The following SMOX variants were observed in gnomAD, a reference collection of about 807,000 sequenced individuals.
The protein encoded by SMOX is flavin containing amine oxidase.
SMOX carries 22 observed loss-of-function variants against 51.0 expected under a neutral mutation model. The ratio of observed to expected loss-of-function variants is 0.43; its 90% CI spans 0.31 to 0.62. The LOEUF is 0.62. Ranked by LOEUF, SMOX falls within the 20% of genes least tolerant of loss-of-function variation. SMOX has a pLI of 0.10. For missense variants in SMOX, 566 were observed against 777.7 expected, an observed-to-expected ratio of 0.73 and a Z score of 3.24; for synonymous variants, 282 against 307.8, an observed-to-expected ratio of 0.92 and a Z score of 0.88.
intron 6 of SMOX, among the ~76,000 whole-genome samples, chr20:4,185,908 AAAC>A (rs1979690558): frequency 6.9e-6 from 1 of 145,120 alleles, no homozygotes; most frequent in African/African-American, 2.6e-5. Context: ...AAAAACCAAA[AAAC>A]AACAACCCCT....
rs1979812868 is a variant in SMOX, at chr20:4,187,323, C to T, written c.1584C>T (p.Thr528=). The T allele has an allele frequency of 6.2e-7, 1 of 1,614,104 alleles. No individual in the cohort carries two copies. Residue 528 remains threonine (T), a synonymous_variant, in exon 7 of 7, where the codon ACC becomes ACT. Coordinates refer to ENST00000305958, the MANE Select transcript of SMOX (RefSeq NM_175839.3). The surrounding 1 kb of genome is among the most constrained non-coding windows in gnomAD (Gnocchi z 4.8). ...GEATHRKYYS[T]THGALLSGQR... is the part of the protein sequence containing the mutation. Reference sequence around the variant, plus strand: ...CCACCCACCGCAAGTACTATTCCACCACCCACGGTGCTCTGCTGTCCGGCC... The same window carrying T: ...CCACCCACCGCAAGTACTATTCCACTACCCACGGTGCTCTGCTGTCCGGCC...
At chr20:4,163,692 A>T (rs1006703414) in intron 1 of SMOX, among the ~76,000 whole-genome samples, 2 of 152,144 alleles carry the variant, frequency 1.3e-5, no homozygotes, top group Admixed American at 1.3e-4. Context: ...AGGGAGCAGG[A>T]GGATTTGCTT....
rs780012593 is a variant in SMOX, at chr20:4,167,768, G to A, written c.-26-7262G>A. Among the ~76,000 whole-genome samples the A allele has an allele frequency of 4.6e-5, 7 of 152,052 alleles. No individual in the cohort carries two copies. The highest frequency in any genetic ancestry group is 8.8e-5 in the Non-Finnish European group (6 of 68,018). ...ACACCTGTACCCCGATTCTCCCACC[G>A]TGGCAGCCCAGCCTGGCCCAGCAGT... On this transcript the variant is annotated intron_variant, in intron 1 of 6. Transcript: ENST00000305958. The surrounding 1 kb of genome is among the most constrained non-coding windows in gnomAD (Gnocchi z 4.8).
At chr20:4,157,877 G>C (rs549249749) in intron 1 of SMOX, among the ~76,000 whole-genome samples, 2 of 152,064 alleles carry the variant, frequency 1.3e-5, no homozygotes, top group African/African-American at 2.4e-5. Flanking sequence ...CAGCTCAGGT[G>C]GGGGAGATGG....
chr20:4,174,985 A>G, intron 1 of SMOX, 45 bp from the exon 2 acceptor site: 1 of 1,578,360 alleles, frequency 6.3e-7, no homozygotes, highest in Non-Finnish European at 8.7e-7. Flanking sequence ...GCAGGTGGGA[A>G]GTGAAGGCAG....
chr20:4,174,132 G>A (rs1200232068), intron 1 of SMOX, among the ~76,000 whole-genome samples: 4 of 152,226 alleles, frequency 2.6e-5, no homozygotes, highest in Non-Finnish European at 5.9e-5. Flanking sequence ...AGGCCTCGTG[G>A]CACTTTCTTG....
chr20:4,172,814 G>C lies in SMOX; in HGVS notation c.-26-2216G>C, dbSNP rs1342720428. Among the ~76,000 whole-genome samples the C allele has an allele frequency of 6.6e-6, 1 of 150,444 alleles. No homozygotes were observed. The highest frequency in any genetic ancestry group is 2.2e-4 in the South Asian group (1 of 4,646). ...GCTGGAGGGTGGGTGGGTGGGAGGG[G>C]GGGTGGTGGAGGGAGGATTCCCGTC... On this transcript the variant is annotated intron_variant, in intron 1 of 6. Coordinates refer to ENST00000305958, the MANE Select transcript of SMOX (RefSeq NM_175839.3). The surrounding 1 kb of genome is among the most constrained non-coding windows in gnomAD (Gnocchi z 7.7).
chr20:4,175,332 C>T, intron 2 of SMOX, 69 bp downstream of exon 2: 2 of 1,496,838 alleles, frequency 1.3e-6, no homozygotes, highest in South Asian at 1.2e-5. Flanking sequence ...CCCGGCTCTG[C>T]CTGAAATCTC....
chr20:4,150,795 A>G (rs949121276), intron 1 of SMOX, among the ~76,000 whole-genome samples: 10 of 146,474 alleles, frequency 6.8e-5, no homozygotes, highest in African/African-American at 2.3e-4. Flanking sequence ...AGGCCTTCCC[A>G]TCTCAGTGAA....
rs28927676 is a variant in SMOX, at chr20:4,182,595, C to T, written c.1116C>T (p.Phe372=). 0.099 allele frequency: 159,498 copies of T among 1,613,964 alleles called. 8,604 individuals carry two copies. The highest frequency in any genetic ancestry group is 0.11 in the Non-Finnish European group (130,680 of 1,179,958). ...CCACCGACAAGATCTTTCTGGAATTCGAGGAGCCCTTCTGGGGCCCTGAGT... is the reference window on the plus strand; with the variant it reads ...CCACCGACAAGATCTTTCTGGAATTTGAGGAGCCCTTCTGGGGCCCTGAGT... ...IGTTDKIFLE[F]EEPFWGPECN... is the part of the protein sequence containing the mutation. The change falls in exon 5 of 7, where the codon TTC becomes TTT. Residue 372 remains phenylalanine, a synonymous_variant. Coordinates refer to ENST00000305958, the MANE Select transcript of SMOX (RefSeq NM_175839.3). The surrounding 1 kb of genome is among the most constrained non-coding windows in gnomAD (Gnocchi z 8.4).
In SMOX at chr20:4,182,214, G is replaced by C; in HGVS notation, c.735G>C (p.Leu245=). 3 of 1,613,620 alleles carry C rather than the reference G, an allele frequency of 1.9e-6. No homozygotes were observed. Among genetic ancestry groups the C allele is most frequent in the Non-Finnish European group, 2.5e-6 (3 of 1,180,018 alleles). Residue 245 remains leucine, a synonymous_variant, in exon 5 of 7, where the codon CTG becomes CTC. Transcript: ENST00000305958. This position sits in a 1 kb window ranked among gnomAD's most constrained non-coding sequence, Gnocchi z 8.4. ...IPSGFMRVVE[L]LAEGIPAHVI... is the part of the protein sequence containing the mutation. Reference sequence around the variant, plus strand: ...CGGGCTTCATGCGGGTTGTGGAGCTGCTGGCGGAGGGCATCCCTGCCCACG... The same window carrying C: ...CGGGCTTCATGCGGGTTGTGGAGCTCCTGGCGGAGGGCATCCCTGCCCACG...
At position 4,182,544 on chromosome 20, in the gene SMOX, T is replaced by C. The variant is rs199643485; in HGVS notation, c.1065T>C (p.Ala355=). Residue 355 remains alanine, a synonymous_variant, in exon 5 of 7, where the codon GCT becomes GCC. Coordinates refer to ENST00000305958, the MANE Select transcript of SMOX (RefSeq NM_175839.3). The surrounding 1 kb of genome is among the most constrained non-coding windows in gnomAD (Gnocchi z 8.4). ...FRPGLPTEKV[A]AIHRLGIGTT... is the part of the protein sequence containing the mutation. ...CAGGCCTGCCCACAGAGAAGGTGGC[T>C]GCCATCCACCGCCTGGGCATTGGCA... 1 of 1,613,746 alleles carries C rather than the reference T, an allele frequency of 6.2e-7. No homozygotes were observed. The highest frequency in any genetic ancestry group is 8.5e-7 in the Non-Finnish European group (1 of 1,179,806).
rs1440462055 is a variant in SMOX, at chr20:4,166,153, T to C, written c.-26-8877T>C. Among the ~76,000 whole-genome samples the C allele has an allele frequency of 6.6e-6, 1 of 152,194 alleles. No homozygotes were observed. Among genetic ancestry groups the C allele is most frequent in the Non-Finnish European group, 1.5e-5 (1 of 68,030 alleles). ...GATCTATTGTCAGAGTGTGATCTAT[T>C]GTCAGAGTGTGATCGAGTTGCTAAT... On this transcript the variant is annotated intron_variant, in intron 1 of 6. Coordinates refer to ENST00000305958, the MANE Select transcript of SMOX (RefSeq NM_175839.3). The surrounding 1 kb of genome is among the most constrained non-coding windows in gnomAD (Gnocchi z 4.2).
In SMOX at chr20:4,183,411, G is replaced by A. The variant is rs1478313654; in HGVS notation, c.1370-83G>A. The stretch of plus-strand genomic sequence containing the variant: ...CCTCCCGGAGCCCTGGAGGTGGGGT[G>A]GGGGGTTGTCCCTTTGGGGTCATCT... On this transcript the variant is annotated intron_variant, in intron 5 of 6. Coordinates refer to ENST00000305958, the MANE Select transcript of SMOX (RefSeq NM_175839.3). This position sits in a 1 kb window ranked among gnomAD's most constrained non-coding sequence, Gnocchi z 4.3. 8 of 1,596,882 alleles carry A rather than the reference G, an allele frequency of 5.0e-6. No individual in the cohort carries two copies. Among genetic ancestry groups the A allele is most frequent in the Admixed American group, 5.0e-5 (3 of 59,936 alleles).
At chr20:4,176,206 A>C (rs1617831) in intron 2 of SMOX, 57,599 of 151,828 alleles carry the variant, frequency 0.38, 11,359 homozygotes, top group East Asian at 0.43. Context: ...TTTTTAGTAG[A>C]GACAAACGTT....
At chr20:4,185,493 T>C (rs967586937) in intron 6 of SMOX, among the ~76,000 whole-genome samples, 11 of 132,442 alleles carry the variant, frequency 8.3e-5, no homozygotes, top group Admixed American at 5.2e-4. Flanking sequence ...CCTGTAGTTC[T>C]AGCTACTTGG....
intron 1 of SMOX, among the ~76,000 whole-genome samples, chr20:4,159,474 T>C (rs560100127): frequency 1.3e-5 from 2 of 152,328 alleles, no homozygotes; most frequent in African/African-American, 4.8e-5. Flanking sequence ...AAGTAAAATT[T>C]AGAGGCAGGC....
chr20:4,172,273 C>T lies in SMOX; in HGVS notation c.-26-2757C>T, dbSNP rs1350382896. Among the ~76,000 whole-genome samples, 1 of 152,180 alleles carries T rather than the reference C, an allele frequency of 6.6e-6. No individual in the cohort carries two copies. Among genetic ancestry groups the T allele is most frequent in the Non-Finnish European group, 1.5e-5 (1 of 68,012 alleles). On this transcript the variant is annotated intron_variant, in intron 1 of 6. Coordinates refer to ENST00000305958, the MANE Select transcript of SMOX (RefSeq NM_175839.3). This position sits in a 1 kb window ranked among gnomAD's most constrained non-coding sequence, Gnocchi z 7.7. ...TCCAGGGTGCCCAGGGTGGCGGCGT[C>T]CCCGTCGCAGCTGGCGCGGCCCCTC... is the stretch of plus-strand genomic sequence containing the variant.
Position 4,153,846 on chromosome 20 carries a change from C to T in SMOX, c.-27+4869C>T, listed in dbSNP as rs374807026. ...GTGAAGGCTGTGGCCAAGCCTGAGG[C>T]GGGCAGGCTAGAGCTGAGGTGGACT... On this transcript the variant is annotated intron_variant, in intron 1 of 6. Transcript: ENST00000305958. The surrounding 1 kb of genome is among the most constrained non-coding windows in gnomAD (Gnocchi z 4.4). Among the ~76,000 whole-genome samples the T allele has an allele frequency of 2.7e-4, 41 of 152,238 alleles. No individual in the cohort carries two copies. In the Middle Eastern group the frequency reaches 0.01, roughly 38 times the overall value.
Sources: allele counts gnomAD v4.1 joint callset (sites outside exome capture counted in the v4.1 genomes callset), GRCh38; gene constraint gnomAD v4.1.1; non-coding constraint Gnocchi (gnomAD v3.1); transcripts MANE v1.5; gene names NCBI Gene and HGNC (gene_info 2026-07-23, HGNC 2026-07-21).